The following ALG13 variants were observed in gnomAD, a reference collection of about 807,000 sequenced individuals.
ALG13 encodes the protein ALG13 UDP-N-acetylglucosaminyltransferase subunit.
In ALG13, 11 loss-of-function variants were observed where a neutral mutation model predicts 87.8. The observed-to-expected ratio is 0.13, with a 90% CI of 0.08 to 0.21. The LOEUF is 0.21. Ranked by LOEUF, ALG13 falls within the 10% of genes least tolerant of loss-of-function variation. The pLI is 1.00. For synonymous variants in ALG13, 320 were observed against 306.3 expected (o/e 1.04, Z -0.47); for missense variants, 756 against 866.1 (o/e 0.87, Z 1.60).
intron 25 of ALG13, among the ~76,000 whole-genome samples, chrX:111,756,372 G>C (rs1297202128): frequency 9.0e-6 from 1 of 111,383 alleles, no homozygotes; most frequent in South Asian, 3.8e-4. Flanking sequence ...TAACAAACCT[G>C]CATGTTCTGC....
rs1602635527 is a variant in ALG13, at chrX:111,708,117, A to G, written c.474A>G (p.Ser158=). The G allele has an allele frequency of 8.3e-7, 1 of 1,211,500 alleles. No individual in the cohort carries two copies. The highest frequency in any genetic ancestry group is 1.8e-5 in the South Asian group (1 of 56,983). The change falls in exon 4 of 27, where the codon TCA becomes TCG. Residue 158 remains serine, a synonymous_variant. Coordinates refer to ENST00000394780, the MANE Select transcript of ALG13 (RefSeq NM_001099922.3). ...CAGCGCTGACTTCAACTGCCTTTTC[A>G]GGCCTAGACTTTGGGCTGCTTTCCG... ...DSAALTSTAF[S]GLDFGLLSGY...
chrX:111,735,973 T>C (rs1266420847), intron 22 of ALG13, among the ~76,000 whole-genome samples: 1 of 110,909 alleles, frequency 9.0e-6, no homozygotes, highest in Non-Finnish European at 1.9e-5. Context: ...TCTTACAATG[T>C]TATAAAAAAT....
chrX:111,724,973 A>T lies in ALG13; in HGVS notation c.1641A>T (p.Gln547His), dbSNP rs768589790. Residue 547 changes from glutamine (Q) to histidine (H), a missense_variant, in exon 15 of 27, where the codon CAA becomes CAT. Gln to His is a conservative substitution (Grantham distance 24). Coordinates refer to ENST00000394780, the MANE Select transcript of ALG13 (RefSeq NM_001099922.3). ...TGGCTAACTTAAAACCAGTTACCCA[A>T]GTGATGTCTGTTCCTGCCTGGAATG... The part of the protein sequence containing the change: ...VPLANLKPVT[Q>H]VMSVPAWNAM... 1.7e-6 allele frequency: 2 copies of T among 1,210,949 alleles called. No homozygotes were observed. The highest frequency in any genetic ancestry group is 2.2e-6 in the Non-Finnish European group (2 of 894,786).
chrX:111,757,946 CAAT>C (rs1190939380), intron 26 of ALG13, among the ~76,000 whole-genome samples, 184 bp downstream of exon 26: 6 of 111,481 alleles, frequency 5.4e-5, no homozygotes, highest in Admixed American at 9.6e-5. Flanking sequence ...GAAGTGTTCA[CAAT>C]AATACTAAGA....
intron 23 of ALG13, among the ~76,000 whole-genome samples, chrX:111,739,782 G>C (rs191031569): frequency 8.9e-6 from 1 of 112,704 alleles, no homozygotes. Flanking sequence ...CACTAGCCAC[G>C]TGTGGAAACT....
chrX:111,748,279 T>C (rs1944417075), intron 24 of ALG13, among the ~76,000 whole-genome samples: 1 of 112,402 alleles, frequency 8.9e-6, no homozygotes, highest in African/African-American at 3.2e-5. Context: ...CAGATGTTTT[T>C]AATTTTAAAG....
At position 111,713,040 on chromosome X, in the gene ALG13, G is replaced by C. The variant is rs994162526; in HGVS notation, c.933-185G>C. 3.6e-5 allele frequency among the ~76,000 whole-genome samples: 4 copies of C among 111,708 alleles called. No homozygotes were observed. In the East Asian group the frequency reaches 1.1e-3, roughly 31 times the overall value. On this transcript the variant is annotated intron_variant, in intron 7 of 26. Transcript: ENST00000394780. ...CATAGGACTTTAGGGGCAATTAGCT[G>C]TCTACCTTGAATTAACATCATTTAG...
chrX:111,708,901 T>G, intron 4 of ALG13, 64 bp from the exon 5 acceptor site: 1 of 745,301 alleles, frequency 1.3e-6, no homozygotes, highest in South Asian at 2.5e-5. Context: ...GTTCATAGTC[T>G]TGATTTAGAA....
intron 23 of ALG13, among the ~76,000 whole-genome samples, chrX:111,737,543 C>T (rs1428328047): frequency 8.9e-6 from 1 of 111,791 alleles, no homozygotes; most frequent in Admixed American, 9.5e-5. Context: ...ACCCATGACA[C>T]CTACAAAAAT....
At position 111,760,247 on chromosome X, in the gene ALG13, G is replaced by A; in HGVS notation, c.*248G>A. Reference sequence around the variant, plus strand: ...TATTGAGCATACTTCATTGTATTCAGCTGTTTTCCTGTCAGCCATTTGTCA... The same window carrying A: ...TATTGAGCATACTTCATTGTATTCAACTGTTTTCCTGTCAGCCATTTGTCA... On this transcript the variant is annotated 3_prime_UTR_variant, in exon 27 of 27. Coordinates refer to ENST00000394780, the MANE Select transcript of ALG13 (RefSeq NM_001099922.3). 1 of 327,990 alleles carries A rather than the reference G, an allele frequency of 3.0e-6. No homozygotes were observed. The highest frequency in any genetic ancestry group is 4.8e-5 in the East Asian group (1 of 20,625). The allele number at this position is 327,990 out of a possible 1,213,427, so 27.0% of individuals were successfully genotyped here. A position where few individuals can be genotyped will look rare whatever the true frequency, so the allele number is the denominator to read the frequency against.
intron 3 of ALG13, among the ~76,000 whole-genome samples, chrX:111,694,941 A>T (rs958500619): frequency 1.8e-5 from 2 of 112,269 alleles, no homozygotes; most frequent in Non-Finnish European, 3.8e-5. Context: ...AATGCTGTTG[A>T]AATAACACAT....
At chrX:111,708,722 C>T (rs1301031509) in intron 4 of ALG13, among the ~76,000 whole-genome samples, 1 of 111,179 alleles carries the variant, frequency 9.0e-6, no homozygotes, top group African/African-American at 3.3e-5. Flanking sequence ...ATTTTAATGC[C>T]TAAGAAAAAA....
At chrX:111,688,538 A>G (rs1183048991) in intron 3 of ALG13, 34 of 747,098 alleles carry the variant, frequency 4.6e-5, no homozygotes, top group Non-Finnish European at 5.3e-5. Context: ...CTTTTTTCCT[A>G]AAGAACAGAG....
chrX:111,759,480 C>G (rs1009079545), intron 26 of ALG13, among the ~76,000 whole-genome samples: 3 of 111,683 alleles, frequency 2.7e-5, no homozygotes, highest in Non-Finnish European at 1.9e-5. Flanking sequence ...TTGCTGATAC[C>G]TAAATCATCC....
intron 23 of ALG13, among the ~76,000 whole-genome samples, chrX:111,737,659 T>C (rs911460262): frequency 4.5e-5 from 5 of 111,828 alleles, no homozygotes; most frequent in African/African-American, 1.6e-4. Flanking sequence ...AGCAAGAACA[T>C]AGAAGCATTG....
At position 111,718,234 on chromosome X, in the gene ALG13, G is replaced by A. The variant is rs1272022379; in HGVS notation, c.1210G>A (p.Glu404Lys). 11 of 1,193,345 alleles carry A rather than the reference G, an allele frequency of 9.2e-6. No homozygotes were observed. Among genetic ancestry groups the A allele is most frequent in the South Asian group, 5.5e-5 (3 of 54,162 alleles). The change falls in exon 10 of 27, where the codon GAG becomes AAG. Residue 404 changes from glutamate to lysine, a missense_variant. Around this residue, in one of 9 missense-constraint regions of ALG13, gnomAD observed 48 missense variants for 50.5 expected, o/e 0.95. Coordinates refer to ENST00000394780, the MANE Select transcript of ALG13 (RefSeq NM_001099922.3). The part of the protein sequence containing the change: ...KNRNNAVTGS[E>K]DAHTDYKSSN... ...CAGAAATAATGCTGTAACTGGAAGC[G>A]AGGATGCCCATACTGATTACAAGAG...
chrX:111,742,665 G>C (rs890255145), intron 23 of ALG13, among the ~76,000 whole-genome samples: 7 of 112,037 alleles, frequency 6.2e-5, no homozygotes, highest in Admixed American at 2.8e-4. Context: ...ATTCATAATA[G>C]CTTTCTTTGT....
chrX:111,700,018 A>G (rs756454096), intron 3 of ALG13, among the ~76,000 whole-genome samples: 4 of 79,788 alleles, frequency 5.0e-5, no homozygotes, highest in Non-Finnish European at 9.5e-5. Flanking sequence ...AACATGGGAT[A>G]TTGTTCCGTT....
chrX:111,740,139 A>G (rs1163619766), intron 23 of ALG13, among the ~76,000 whole-genome samples: 1 of 111,407 alleles, frequency 9.0e-6, no homozygotes, highest in African/African-American at 3.3e-5. Context: ...GAGGGTGTAG[A>G]TGTAGTTATT....
Sources: allele counts gnomAD v4.1 joint callset (sites outside exome capture counted in the v4.1 genomes callset), GRCh38; gene constraint gnomAD v4.1.1; regional missense constraint gnomAD v4.1.1; transcripts MANE v1.5; gene names NCBI Gene and HGNC (gene_info 2026-07-23, HGNC 2026-07-21).